Variants in VARS2 observed in about 807,000 individuals in gnomAD.
VARS2 encodes valine--tRNA ligase, mitochondrial.
In VARS2, 105 loss-of-function variants were observed where a neutral mutation model predicts 154.1. The ratio of observed to expected loss-of-function variants is 0.68; its 90% CI spans 0.58 to 0.80. The LOEUF is 0.80. Ranked by LOEUF, VARS2 falls within the 30% of genes least tolerant of loss-of-function variation. The pLI, the probability that VARS2 is intolerant of heterozygous loss-of-function variation, is 0.00. For missense variants in VARS2, 1,157 were observed against 1,361.4 expected (o/e 0.85, Z 2.36); for synonymous variants, 483 against 539.5 (o/e 0.90, Z 1.45).
rs4678 is a variant in VARS2, at chr6:30,926,164, G to A, written c.3146G>A (p.Arg1049Gln). Residue 1049 changes from arginine to glutamine, a missense_variant, in exon 30 of 30, where the codon CGG becomes CAG. Arg to Gln is a conservative substitution (Grantham distance 43). Transcript: ENST00000676266. ...SKLDKAASHL[R>Q]QLMDEPPAPG... is the part of the protein sequence containing the mutation. ...CTGGACAAGGCAGCCTCTCACCTCCGGCAGCTGATGGATGAGCCTCCAGCC... is the reference window on the plus strand; with the variant it reads ...CTGGACAAGGCAGCCTCTCACCTCCAGCAGCTGATGGATGAGCCTCCAGCC... The A allele has an allele frequency of 0.18, 297,170 of 1,612,978 alleles. 29,832 individuals carry two copies. The highest frequency in any genetic ancestry group is 0.21 in the Non-Finnish European group (247,057 of 1,179,994).
At position 30,921,260 on chromosome 6, in the gene VARS2, G is replaced by T; in HGVS notation, c.1587G>T (p.Trp529Cys). Reference protein sequence around the residue: ...GDWCVSRQLWWGHQIPAYLVV... With the variant: ...GDWCVSRQLWCGHQIPAYLVV... ...GGTGTGTCTCCCGGCAGCTGTGGTG[G>T]GGCCATCAGATTCCAGCCTACCTGG... The change falls in exon 17 of 30, where the codon TGG (tryptophan) becomes TGT (cysteine). Residue 529 changes from tryptophan to cysteine, a missense_variant. Trp to Cys is a radical substitution (Grantham distance 215). Transcript: ENST00000676266. This position sits in a 1 kb window ranked among gnomAD's most constrained non-coding sequence, Gnocchi z 4.6. The T allele has an allele frequency of 6.2e-7, 1 of 1,614,120 alleles. No homozygotes were observed. Among genetic ancestry groups the T allele is most frequent in the Non-Finnish European group, 8.5e-7 (1 of 1,180,026 alleles).
intron 1 of VARS2, 149 bp downstream of exon 1, chr6:30,914,493 GGGACT>G: frequency 1.5e-6 from 2 of 1,327,478 alleles, no homozygotes; most frequent in Non-Finnish European, 1.9e-6. Context: ...CGGCCCTGGC[GGGACT>G]CCTTGCTGGC....
Position 30,916,517 on chromosome 6 carries a change from C to T in VARS2, c.671+268C>T. 3.1e-6 allele frequency: 1 copy of T among 327,326 alleles called. No individual in the cohort carries two copies. Among genetic ancestry groups the T allele is most frequent in the Admixed American group, 4.5e-5 (1 of 22,148 alleles). 20.3% of individuals were successfully genotyped at this position (327,326 alleles called of 1,614,324 possible). A position where few individuals can be genotyped will look rare whatever the true frequency, so the allele number is the denominator to read the frequency against. ...ATATATTTTCTTTCTCTTTACTTAC[C>T]CCAATTTCTCTTGTCTAAATCTCAC... On this transcript the variant is annotated intron_variant, in intron 7 of 29. Transcript: ENST00000676266. The surrounding 1 kb of genome is among the most constrained non-coding windows in gnomAD (Gnocchi z 4.0).
At position 30,918,929 on chromosome 6, in the gene VARS2, C is replaced by T. The variant is rs781321885; in HGVS notation, c.1074+14C>T. The T allele has an allele frequency of 5.8e-5, 94 of 1,608,114 alleles. No homozygotes were observed. Among genetic ancestry groups the T allele is most frequent in the African/African-American group, 8.0e-5 (6 of 74,816 alleles). ...TCGCGATACACAGTAATACCCAGTG[C>T]GCTCCTGCACTCTGGCCCGCCCCGC... On this transcript the variant is annotated intron_variant, in intron 11 of 29. Transcript: ENST00000676266.
At position 30,919,053 on chromosome 6, in the gene VARS2, C is replaced by G. The variant is rs1355522054; in HGVS notation, c.1074+138C>G. On this transcript the variant is annotated intron_variant, in intron 11 of 29. Coordinates refer to ENST00000676266, the MANE Select transcript of VARS2 (RefSeq NM_020442.6). This position sits in a 1 kb window ranked among gnomAD's most constrained non-coding sequence, Gnocchi z 4.5. ...TTCTCTCAGTGGTTCTGATTGGACTCCCTCCTCCTCTTATAGTTTTTCTGT... is the reference window on the plus strand; with the variant it reads ...TTCTCTCAGTGGTTCTGATTGGACTGCCTCCTCCTCTTATAGTTTTTCTGT... The G allele has an allele frequency of 2.7e-6, 2 of 736,744 alleles. No individual in the cohort carries two copies. The highest frequency in any genetic ancestry group is 1.8e-5 in the African/African-American group (1 of 56,368). The allele number at this position is 736,744 out of a possible 1,614,324, so 45.6% of individuals were successfully genotyped here. A position where few individuals can be genotyped will look rare whatever the true frequency, so the allele number is the denominator to read the frequency against.
chr6:30,924,759 A>G (rs1794739474), intron 26 of VARS2, among the ~76,000 whole-genome samples, 199 bp downstream of exon 26: 1 of 152,184 alleles, frequency 6.6e-6, no homozygotes. Flanking sequence ...GCTCAAGAGC[A>G]GGACTCTGTT....
Position 30,920,593 on chromosome 6 carries a change from T to C in VARS2, c.1398-75T>C, listed in dbSNP as rs1484332204. The C allele has an allele frequency of 1.4e-6, 2 of 1,381,678 alleles. No individual in the cohort carries two copies. Among genetic ancestry groups the C allele is most frequent in the Admixed American group, 2.6e-5 (1 of 39,054 alleles). The allele number at this position is 1,381,678 out of a possible 1,614,324, so 85.6% of individuals were successfully genotyped here. A position where few individuals can be genotyped will look rare whatever the true frequency, so the allele number is the denominator to read the frequency against. On this transcript the variant is annotated intron_variant, in intron 14 of 29. Transcript: ENST00000676266. This position sits in a 1 kb window ranked among gnomAD's most constrained non-coding sequence, Gnocchi z 4.6. ...TATCCTCAGTACCAAGGGCCTGGCATGGCATGGGGTCTTGTGCCCCTGGGA... is the reference window on the plus strand; with the variant it reads ...TATCCTCAGTACCAAGGGCCTGGCACGGCATGGGGTCTTGTGCCCCTGGGA...
rs1794493328 is a variant in VARS2, at chr6:30,921,247, G to A, written c.1574G>A (p.Arg525Gln). 6 of 1,614,066 alleles carry A rather than the reference G, an allele frequency of 3.7e-6. No homozygotes were observed. The highest frequency in any genetic ancestry group is 3.3e-5 in the South Asian group (3 of 91,074). The part of the protein sequence containing the change: ...FSHIGDWCVS[R>Q]QLWWGHQIPA... ...CCCGGCAGGGACTGGTGTGTCTCCC[G>A]GCAGCTGTGGTGGGGCCATCAGATT... Residue 525 changes from arginine to glutamine, a missense_variant, in exon 17 of 30, where the codon CGG (arginine) becomes CAG (glutamine). Physicochemically the swap from Arg to Gln is conservative, Grantham distance 43. Coordinates refer to ENST00000676266, the MANE Select transcript of VARS2 (RefSeq NM_020442.6). This position sits in a 1 kb window ranked among gnomAD's most constrained non-coding sequence, Gnocchi z 4.6.
intron 10 of VARS2, among the ~76,000 whole-genome samples, chr6:30,918,401 A>G (rs148120193): frequency 3.3e-5 from 5 of 152,260 alleles, no homozygotes; most frequent in African/African-American, 1.2e-4. Flanking sequence ...TGTTCTGAAG[A>G]GCTCAGAGAA....
chr6:30,921,894 C>T lies in VARS2; in HGVS notation c.1736-31C>T, dbSNP rs770839092. On this transcript the variant is annotated intron_variant, in intron 18 of 29. Transcript: ENST00000676266. The surrounding 1 kb of genome is among the most constrained non-coding windows in gnomAD (Gnocchi z 4.6). ...TCTGAGGTCCTAGAAGCCAAGGTTC[C>T]AACTGTCCCCATTCTTTTTCTGTTT... 11 of 1,612,458 alleles carry T rather than the reference C, an allele frequency of 6.8e-6. No homozygotes were observed. Among genetic ancestry groups the T allele is most frequent in the Non-Finnish European group, 9.3e-6 (11 of 1,179,592 alleles).
chr6:30,918,346 G>A (rs770504783), intron 10 of VARS2, among the ~76,000 whole-genome samples: 7 of 152,242 alleles, frequency 4.6e-5, no homozygotes, highest in South Asian at 4.1e-4. Flanking sequence ...GATTACGGGC[G>A]TGAGCCACTG....
chr6:30,922,699 T>C lies in VARS2; in HGVS notation c.2038-7T>C, dbSNP rs1188275602. 6.2e-7 allele frequency: 1 copy of C among 1,611,694 alleles called. No individual in the cohort carries two copies. The highest frequency in any genetic ancestry group is 1.1e-5 in the South Asian group (1 of 90,820). On this transcript the variant is annotated splice_polypyrimidine_tract_variant and splice_region_variant and intron_variant, in intron 21 of 29. Coordinates refer to ENST00000676266, the MANE Select transcript of VARS2 (RefSeq NM_020442.6). Reference sequence around the variant, plus strand: ...CTGGGTCGTGAATTGCCCCCTTCCATCCCCAGGTGCTGCAGGAAAAGCTGA... The same window carrying C: ...CTGGGTCGTGAATTGCCCCCTTCCACCCCCAGGTGCTGCAGGAAAAGCTGA...
chr6:30,921,140 G>A lies in VARS2; in HGVS notation c.1555G>A (p.Gly519Arg). Residue 519 changes from glycine to arginine, a missense_variant and splice_region_variant, in exon 16 of 30, where the codon GGG becomes AGG. Gly to Arg is a moderately radical substitution (Grantham distance 125). Coordinates refer to ENST00000676266, the MANE Select transcript of VARS2 (RefSeq NM_020442.6). The surrounding 1 kb of genome is among the most constrained non-coding windows in gnomAD (Gnocchi z 4.6). ...CTGGCAGCACTGGTTTTCCCATATT[G>A]GGTAAGGGTAGGGTAAGGGGAGCTC... ...KNWQHWFSHI[G>R]DWCVSRQLWW... 6.2e-7 allele frequency: 1 copy of A among 1,613,950 alleles called. No homozygotes were observed. The highest frequency in any genetic ancestry group is 8.5e-7 in the Non-Finnish European group (1 of 1,179,938).
chr6:30,921,581 T>C lies in VARS2; in HGVS notation c.1633-8T>C. 1.2e-6 allele frequency: 2 copies of C among 1,600,612 alleles called. No individual in the cohort carries two copies. Among genetic ancestry groups the C allele is most frequent in the Non-Finnish European group, 1.7e-6 (2 of 1,175,622 alleles). On this transcript the variant is annotated splice_region_variant and splice_polypyrimidine_tract_variant and intron_variant, in intron 17 of 29. Coordinates refer to ENST00000676266, the MANE Select transcript of VARS2 (RefSeq NM_020442.6). The surrounding 1 kb of genome is among the most constrained non-coding windows in gnomAD (Gnocchi z 4.6). ...CTCACTCTCCCCAACCCCTTCCTAC[T>C]TTTGCAGGGAGAAGAGGACTGTTGG...
At position 30,914,676 on chromosome 6, in the gene VARS2, G is replaced by A. The variant is rs537657748; in HGVS notation, c.-27-134G>A. 259 of 1,111,436 alleles carry A rather than the reference G, an allele frequency of 2.3e-4. No individual in the cohort carries two copies. In the African/African-American group the frequency reaches 3.9e-3, roughly 17 times the overall value. 68.8% of individuals were successfully genotyped at this position (1,111,436 alleles called of 1,614,324 possible). A position where few individuals can be genotyped will look rare whatever the true frequency, so the allele number is the denominator to read the frequency against. The stretch of plus-strand genomic sequence containing the variant: ...TACCATGCACTCTAGCTCTCAAGGA[G>A]GAAAGGTTTTGTGGAAGGGAATAGA... On this transcript the variant is annotated intron_variant, in intron 1 of 29. Transcript: ENST00000676266.
chr6:30,925,918 C>G lies in VARS2; in HGVS notation c.3000C>G (p.Ala1000=). 1 of 1,613,026 alleles carries G rather than the reference C, an allele frequency of 6.2e-7. No homozygotes were observed. Among genetic ancestry groups the G allele is most frequent in the South Asian group, 1.1e-5 (1 of 91,076 alleles). Reference sequence around the variant, plus strand: ...CGCAGATCCAGCTACCTCTGTTAGCCGCCCGAAGGTACAAGTTGCAGAAGC... The same window carrying G: ...CGCAGATCCAGCTACCTCTGTTAGCGGCCCGAAGGTACAAGTTGCAGAAGC... ...VDPQIQLPLL[A]ARRYKLQKQL... is the part of the protein sequence containing the mutation. The change falls in exon 29 of 30, where the codon GCC becomes GCG. Residue 1000 remains alanine (A), a synonymous_variant. Transcript: ENST00000676266.
Position 30,917,266 on chromosome 6 carries a change from G to T in VARS2, c.873+42G>T. 6.2e-7 allele frequency: 1 copy of T among 1,613,508 alleles called. No homozygotes were observed. The highest frequency in any genetic ancestry group is 8.5e-7 in the Non-Finnish European group (1 of 1,179,964). On this transcript the variant is annotated intron_variant, in intron 9 of 29. Transcript: ENST00000676266. The surrounding 1 kb of genome is among the most constrained non-coding windows in gnomAD (Gnocchi z 4.4). ...GAAGCAGGTTTGTGAGAGCTCTGAG[G>T]CAGAGTGGTCAATGATTAAGAGCTC...
chr6:30,919,940 C>A lies in VARS2; in HGVS notation c.1165+92C>A. On this transcript the variant is annotated intron_variant, in intron 12 of 29. Coordinates refer to ENST00000676266, the MANE Select transcript of VARS2 (RefSeq NM_020442.6). This position sits in a 1 kb window ranked among gnomAD's most constrained non-coding sequence, Gnocchi z 4.5. ...GAAGAGGAAGGTGGGAGTGGGAGAT[C>A]CTCATATAGGGTGGTCTGAGTGGGG... The A allele has an allele frequency of 2.0e-6, 3 of 1,471,204 alleles. No individual in the cohort carries two copies. The highest frequency in any genetic ancestry group is 1.4e-5 in the South Asian group (1 of 72,128). 91.1% of individuals were successfully genotyped at this position (1,471,204 alleles called of 1,614,324 possible).
chr6:30,924,384 C>T lies in VARS2; in HGVS notation c.2497C>T (p.Pro833Ser). The part of the protein sequence containing the change: ...EAVKPVLWHS[P>S]RPLGPPQVLF... ...TGTGAAGCCCGTGCTGTGGCACTCG[C>T]CCCGCCCCCTGGGGCCCCCTCAGGT... The change falls in exon 26 of 30, where the codon CCC becomes TCC. Residue 833 changes from proline to serine, a missense_variant. Pro to Ser is a moderately conservative substitution (Grantham distance 74, BLOSUM62 -1). Transcript: ENST00000676266. 4.3e-6 allele frequency: 7 copies of T among 1,612,494 alleles called. No individual in the cohort carries two copies. The highest frequency in any genetic ancestry group is 1.3e-5 in the African/African-American group (1 of 75,040).
Sources: allele counts gnomAD v4.1 joint callset (sites outside exome capture counted in the v4.1 genomes callset), GRCh38; gene constraint gnomAD v4.1.1; non-coding constraint Gnocchi (gnomAD v3.1); transcripts MANE v1.5; gene names NCBI Gene and HGNC (gene_info 2026-07-23, HGNC 2026-07-21).